The following ERCC1 variants were observed in gnomAD, a reference collection of about 807,000 sequenced individuals.
ERCC1 encodes DNA excision repair protein ERCC-1.
A neutral mutation model predicts 37.6 loss-of-function variants in ERCC1; 36 were observed. That is an observed-to-expected ratio of 0.96 (90% confidence interval 0.73 to 1.26). The LOEUF (loss-of-function observed/expected upper bound fraction) is 1.26, where lower values mean the gene tolerates loss of function less well. Among genes scored for constraint, ERCC1 ranks in the 50% most tolerant of loss-of-function variants. The pLI is 0.00. For missense variants in ERCC1, 349 were observed against 376.5 expected, an observed-to-expected ratio of 0.93 and a Z score of 0.60; for synonymous variants, 156 against 162.1, an observed-to-expected ratio of 0.96 and a Z score of 0.28.
chr19:45,421,167 T>C lies in ERCC1; in HGVS notation c.321+11A>G, dbSNP rs750893419. Reference sequence around the variant, plus strand: ...AACCTCAAGGCCTCACTTCTCCGTCTCCCTCCTCACCTGCCGAGGGCTCAC... The same window carrying C: ...AACCTCAAGGCCTCACTTCTCCGTCCCCCTCCTCACCTGCCGAGGGCTCAC... On this transcript the variant is annotated intron_variant, in intron 3 of 9. Transcript: ENST00000300853. The C allele has an allele frequency of 3.7e-6, 6 of 1,612,326 alleles. No homozygotes were observed. In the East Asian group the frequency reaches 1.3e-4, roughly 36 times the overall value.
upstream of ERCC1, among the ~76,000 whole-genome samples, chr19:45,427,127 CAAACA>C (rs1475433667): frequency 6.6e-6 from 1 of 150,850 alleles, no homozygotes; most frequent in Non-Finnish European, 1.5e-5. Flanking sequence ...AGACCAAAAA[CAAACA>C]AAACAAAACA....
chr19:45,420,359 A>G lies in ERCC1; in HGVS notation c.390T>C (p.Tyr130=), dbSNP rs56148539. The G allele has an allele frequency of 3.0e-3, 4,829 of 1,613,676 alleles. 114 individuals carry two copies. In the African/African-American group the frequency reaches 0.05, roughly 17 times the overall value. The change falls in exon 4 of 10, where the codon TAT becomes TAC. Residue 130 remains tyrosine, a synonymous_variant. Transcript: ENST00000300853. This position sits in a 1 kb window ranked among gnomAD's most constrained non-coding sequence, Gnocchi z 4.8. ...PWEFGDVIPD[Y]VLGQSTCALF... ...GGGCACAGGTGCTCTGGCCCAGCAC[A>G]TAGTCGGGAATTACGTCGCCAAATT...
rs567083934 is a variant in ERCC1 at position 45,437,382 on chromosome 19, C to T, written c.-7-14001G>A. On this transcript the variant is annotated intron_variant, in intron 1 of 8. Transcript: ENST00000423698. ...TCCAAAGGAATTGAAATCAGGATGT[C>T]GAAGGGTTATCTACACTCTCAAGTT... Among the ~76,000 whole-genome samples the T allele has an allele frequency of 2.5e-4, 38 of 151,974 alleles. No individual in the cohort carries two copies. The South Asian group carries it at 6.2e-3, about 25-fold the overall frequency.
intron 1 of ERCC1, among the ~76,000 whole-genome samples, chr19:45,444,392 C>G (rs1212289821): frequency 3.3e-5 from 5 of 151,756 alleles, no homozygotes; most frequent in East Asian, 2.0e-4. Flanking sequence ...GGCCGCCCCC[C>G]CGCGGTGGCC....
At chr19:45,419,959 C>A (rs1457016873) in intron 4 of ERCC1, among the ~76,000 whole-genome samples, 1 of 146,264 alleles carries the variant, frequency 6.8e-6, no homozygotes, top group Non-Finnish European at 1.5e-5. Context: ...CCCAGCCCCT[C>A]CTCCCTGAGA....
Position 45,408,353 on chromosome 19 carries a change from C to A in ERCC1, c.*1322G>T. The A allele has an allele frequency of 6.2e-7, 1 of 1,607,340 alleles. No homozygotes were observed. The highest frequency in any genetic ancestry group is 8.5e-7 in the Non-Finnish European group (1 of 1,175,210). On this transcript the variant is annotated 3_prime_UTR_variant, in exon 10 of 10. Transcript: ENST00000300853. ...TCCCCAGCAATCCCTGTCAGGGAGC[C>A]CTCTGCAGCCCATCCCAGCAAGTCC... is the stretch of plus-strand genomic sequence containing the variant.
intron 1 of ERCC1, among the ~76,000 whole-genome samples, chr19:45,440,745 T>A (rs1420571121): frequency 6.6e-6 from 1 of 152,140 alleles, no homozygotes; most frequent in Non-Finnish European, 1.5e-5. Flanking sequence ...AAGGCCTTGC[T>A]CTGTCGCCCA....
chr19:45,412,142 A>C (rs931110939), intron 9 of ERCC1, among the ~76,000 whole-genome samples: 2 of 151,238 alleles, frequency 1.3e-5, no homozygotes, highest in Middle Eastern at 3.4e-3. Context: ...TACAGGCGTG[A>C]GCCACCATGC....
intron 2 of ERCC1, 26 bp downstream of exon 2, chr19:45,423,244 A>G: frequency 6.2e-7 from 1 of 1,601,194 alleles, no homozygotes; most frequent in South Asian, 1.1e-5. Context: ...CCAGCCTCCC[A>G]GGGGCCCCGC....
intron 1 of ERCC1, among the ~76,000 whole-genome samples, chr19:45,451,330 T>G (rs1967115319): frequency 6.6e-6 from 1 of 152,156 alleles, no homozygotes; most frequent in Admixed American, 6.6e-5. Context: ...GTTTCTGCCT[T>G]GGACTGCCGG....
intron 1 of ERCC1, chr19:45,449,373 A>G (rs886253941): frequency 7.2e-5 from 11 of 152,350 alleles, no homozygotes; most frequent in African/African-American, 2.6e-4. Context: ...CCCAGTGAGG[A>G]GCTGGACGCT....
chr19:45,434,066 C>T (rs538879353), intron 1 of ERCC1, among the ~76,000 whole-genome samples: 2 of 150,116 alleles, frequency 1.3e-5, no homozygotes, highest in Non-Finnish European at 3.0e-5. Context: ...ATCACTTGAA[C>T]CCGAGAGGCA....
At chr19:45,423,002 G>C (rs1974531783) in intron 2 of ERCC1, among the ~76,000 whole-genome samples, 1 of 152,126 alleles carries the variant, frequency 6.6e-6, no homozygotes, top group South Asian at 2.1e-4. Flanking sequence ...TTCATGTCTT[G>C]AAAAATCAGG....
In ERCC1 at chr19:45,439,970, G is replaced by T. The variant is rs867405503; in HGVS notation, c.-7-16589C>A. Reference sequence around the variant, plus strand: ...CGCTCCGAGCCGAGCCCGAAATAGCGGCCCCCAGATAAGGCAGGACGACTC... The same window carrying T: ...CGCTCCGAGCCGAGCCCGAAATAGCTGCCCCCAGATAAGGCAGGACGACTC... On this transcript the variant is annotated intron_variant, in intron 1 of 8. Coordinates refer to the ERCC1 transcript ENST00000423698. Among the ~76,000 whole-genome samples the T allele has an allele frequency of 1.9e-4, 29 of 152,236 alleles. 1 individual carries two copies. Among genetic ancestry groups the T allele is most frequent in the South Asian group, 6.2e-4 (3 of 4,822 alleles).
At chr19:45,424,073 T>C (rs759739400), upstream of ERCC1, 1 of 1,040,240 alleles carries the variant, frequency 9.6e-7, no homozygotes, top group Admixed American at 5.6e-5. Context: ...AAGCCCTTAC[T>C]GAGCGCTTCT....
chr19:45,414,230 A>C (rs1357885792), intron 7 of ERCC1, 196 bp from the exon 8 acceptor site: 1 of 628,138 alleles, frequency 1.6e-6, no homozygotes, highest in Non-Finnish European at 2.9e-6. Context: ...TAATCCCAGC[A>C]CTTTCGAGGC....
rs1306637844 is a variant in ERCC1, at chr19:45,407,915, G to A, written c.*1760C>T. On this transcript the variant is annotated 3_prime_UTR_variant, in exon 10 of 10. Coordinates refer to ENST00000300853, the MANE Select transcript of ERCC1 (RefSeq NM_001983.4). ...CTAAAAATACAAAAATTGGCTGGGC[G>A]TGGTGGCAGGTGCCTGTAATCCCAG... is the stretch of plus-strand genomic sequence containing the variant. The A allele has an allele frequency of 1.7e-5, 8 of 477,728 alleles. No homozygotes were observed. The highest frequency in any genetic ancestry group is 7.0e-5 in the East Asian group (2 of 28,550). 29.6% of individuals were successfully genotyped at this position (477,728 alleles called of 1,614,324 possible). A position where few individuals can be genotyped will look rare whatever the true frequency, so the allele number is the denominator to read the frequency against.
chr19:45,422,650 G>A lies in ERCC1; in HGVS notation c.105+620C>T, dbSNP rs3212941. On this transcript the variant is annotated intron_variant, in intron 2 of 9. Coordinates refer to ENST00000300853, the MANE Select transcript of ERCC1 (RefSeq NM_001983.4). Reference sequence around the variant, plus strand: ...CGCGCTCCTGTAATCCCAGTTACTCGGGAGGCTGAGGCAGGAGAATCGCTT... The same window carrying A: ...CGCGCTCCTGTAATCCCAGTTACTCAGGAGGCTGAGGCAGGAGAATCGCTT... Among the ~76,000 whole-genome samples, 23 of 152,180 alleles carry A rather than the reference G, an allele frequency of 1.5e-4. No individual in the cohort carries two copies. In the East Asian group the frequency reaches 1.7e-3, roughly 11 times the overall value.
chr19:45,425,082 ATTT>A (rs35314737), upstream of ERCC1, among the ~76,000 whole-genome samples: 2,889 of 116,782 alleles, frequency 0.025, 17 homozygotes, highest in African/African-American at 0.035. Flanking sequence ...TGCCCGGCTA[ATTT>A]TTTTTTTTTT....
Sources: allele counts gnomAD v4.1 joint callset (sites outside exome capture counted in the v4.1 genomes callset), GRCh38; gene constraint gnomAD v4.1.1; non-coding constraint Gnocchi (gnomAD v3.1); transcripts MANE v1.5; gene names NCBI Gene and HGNC (gene_info 2026-07-23, HGNC 2026-07-21).